Variants in C18orf54 observed in about 807,000 individuals in gnomAD.
C18orf54 encodes the protein lung adenoma susceptibility protein 2.
C18orf54 carries 49 observed loss-of-function variants against 49.3 expected under a neutral mutation model. The observed-to-expected ratio is 0.99, with a 90% CI of 0.79 to 1.26. The LOEUF (loss-of-function observed/expected upper bound fraction) is 1.26, where lower values mean the gene tolerates loss of function less well. Ranked by LOEUF, C18orf54 falls within the 50% of genes most tolerant of loss-of-function variation. The pLI is 0.00. For synonymous variants in C18orf54, 211 were observed against 216.6 expected (o/e 0.97, Z 0.23); for missense variants, 687 against 620.6 (o/e 1.11, Z -1.14).
chr18:54,362,352 A>G lies in C18orf54; in HGVS notation c.993A>G (p.Glu331=), dbSNP rs1330421873. The stretch of plus-strand genomic sequence containing the variant: ...GTGATGATAAAGAATTAGTTAATGA[A>G]TACAAATGTGATTTTGAACATAGCC... ...SLSDDKELVN[E]YKCDFEHSQC... is the part of the protein sequence containing the mutation. Residue 331 remains glutamate (E), a synonymous_variant, in exon 4 of 9, where the codon GAA becomes GAG. Coordinates refer to ENST00000620105, the MANE Select transcript of C18orf54 (RefSeq NM_001288980.2). 2.6e-6 allele frequency: 4 copies of G among 1,535,892 alleles called. No homozygotes were observed. Among genetic ancestry groups the G allele is most frequent in the Non-Finnish European group, 3.5e-6 (4 of 1,146,738 alleles).
intron 5 of C18orf54, among the ~76,000 whole-genome samples, chr18:54,363,645 T>C (rs2089318522): frequency 6.6e-6 from 1 of 152,184 alleles, no homozygotes; most frequent in Admixed American, 6.5e-5. Flanking sequence ...TCATTTACTT[T>C]TTACTTTCCC....
rs988102026 is a variant in C18orf54, at chr18:54,358,022, T to G, written c.-197T>G. 2 of 152,624 alleles carry G rather than the reference T, an allele frequency of 1.3e-5. No homozygotes were observed. Among genetic ancestry groups the G allele is most frequent in the African/African-American group, 2.4e-5 (1 of 41,436 alleles). The allele number at this position is 152,624 out of a possible 1,614,324, so 9.5% of individuals were successfully genotyped here. A position where few individuals can be genotyped will look rare whatever the true frequency, so the allele number is the denominator to read the frequency against. On this transcript the variant is annotated 5_prime_UTR_variant, in exon 1 of 9. Transcript: ENST00000620105. The stretch of plus-strand genomic sequence containing the variant: ...CGGTGTCCGGGTTGGGGATGCTTTG[T>G]GGTGTCTCGCGTTGGGTAACAGGCC...
At position 54,378,183 on chromosome 18, in the gene C18orf54, C is replaced by G. The variant is rs558955707; in HGVS notation, c.1539C>G (p.His513Gln). Residue 513 changes from histidine (H) to glutamine (Q), a missense_variant, in exon 9 of 9, where the codon CAC (histidine) becomes CAG (glutamine). By Grantham distance (24) the His-to-Gln change is conservative. Coordinates refer to ENST00000620105, the MANE Select transcript of C18orf54 (RefSeq NM_001288980.2). ...ATACTTTTTAATGAAGGGCTTTGCACCATTTATCTCGCCTGAGAGACCTGG... is the reference window on the plus strand; with the variant it reads ...ATACTTTTTAATGAAGGGCTTTGCAGCATTTATCTCGCCTGAGAGACCTGG... Reference protein sequence around the residue: ...PITRSLQKALHHLSRLRDLVD... With the variant: ...PITRSLQKALQHLSRLRDLVD... The G allele has an allele frequency of 4.8e-5, 78 of 1,612,968 alleles. No homozygotes were observed. In the South Asian group the frequency reaches 7.3e-4, roughly 15 times the overall value.
intron 6 of C18orf54, among the ~76,000 whole-genome samples, chr18:54,367,338 A>G (rs947315962): frequency 2.0e-5 from 3 of 151,580 alleles, no homozygotes; most frequent in Admixed American, 2.0e-4. Flanking sequence ...TTATATTTCC[A>G]TGTGTTTTCA....
Position 54,362,095 on chromosome 18 carries a change from T to C in C18orf54, c.736T>C (p.Ser246Pro). The part of the protein sequence containing the change: ...NYPRWLTSQK[S>P]DLNVSGITSI... ...CCCAAGATGGCTCACTAGCCAGAAA[T>C]CTGACCTTAATGTTTCAGGGATAAC... Residue 246 changes from serine to proline, a missense_variant, in exon 4 of 9, where the codon TCT becomes CCT. Ser to Pro is a moderately conservative substitution (Grantham distance 74). Coordinates refer to ENST00000620105, the MANE Select transcript of C18orf54 (RefSeq NM_001288980.2). The C allele has an allele frequency of 3.2e-6, 5 of 1,540,000 alleles. No individual in the cohort carries two copies. The highest frequency in any genetic ancestry group is 4.4e-6 in the Non-Finnish European group (5 of 1,147,296).
At chr18:54,375,270 A>G (rs1237948265) in intron 8 of C18orf54, among the ~76,000 whole-genome samples, 1 of 151,854 alleles carries the variant, frequency 6.6e-6, no homozygotes, top group Non-Finnish European at 1.5e-5. Flanking sequence ...TTATGAAGTA[A>G]GTACTATTAT....
rs1455669951 is a variant in C18orf54, at chr18:54,360,699, A to G, written c.127A>G (p.Lys43Glu). 6.2e-7 allele frequency: 1 copy of G among 1,613,994 alleles called. No homozygotes were observed. Among genetic ancestry groups the G allele is most frequent in the African/African-American group, 1.3e-5 (1 of 74,918 alleles). Residue 43 changes from lysine to glutamate, a missense_variant, in exon 3 of 9, where the codon AAG (lysine) becomes GAG (glutamate). By Grantham distance (56) the Lys-to-Glu change is moderately conservative. Transcript: ENST00000620105. ...NSDGSFHYKD[K>E]LYRSASQALQ... The stretch of plus-strand genomic sequence containing the variant: ...TGATGGCTCGTTTCACTATAAAGAT[A>G]AGCTGTACAGATCTGCTTCTCAAGC...
Position 54,374,267 on chromosome 18 carries a change from T to G in C18orf54, c.1512T>G (p.Ile504Met). 6.3e-7 allele frequency: 1 copy of G among 1,584,168 alleles called. No homozygotes were observed. Among genetic ancestry groups the G allele is most frequent in the Non-Finnish European group, 8.6e-7 (1 of 1,164,632 alleles). Residue 504 changes from isoleucine to methionine, a missense_variant, in exon 8 of 9, where the codon ATT becomes ATG. Ile to Met is a conservative substitution (Grantham distance 10, BLOSUM62 1). Coordinates refer to ENST00000620105, the MANE Select transcript of C18orf54 (RefSeq NM_001288980.2). ...KLQLKESMIPITRSLQKALHH... is the reference protein window; with the variant it reads ...KLQLKESMIPMTRSLQKALHH... ...AGTTGAAGGAAAGTATGATTCCTAT[T>G]ACTAGGTCACTTCAGAAGTAAGTAT...
Position 54,362,237 on chromosome 18 carries a change from G to A in C18orf54, c.878G>A (p.Ser293Asn). 1 of 1,536,426 alleles carries A rather than the reference G, an allele frequency of 6.5e-7. No individual in the cohort carries two copies. Among genetic ancestry groups the A allele is most frequent in the Non-Finnish European group, 8.7e-7 (1 of 1,146,934 alleles). The change falls in exon 4 of 9, where the codon AGT becomes AAT. Residue 293 changes from serine (S) to asparagine (N), a missense_variant. Physicochemically the swap from Ser to Asn is conservative, Grantham distance 46. Transcript: ENST00000620105. ...FKDDQCSPRHSHQAQGTSRLI... is the reference protein window; with the variant it reads ...FKDDQCSPRHNHQAQGTSRLI... ...GATGATCAGTGTTCCCCTAGACATA[G>A]TCATCAGGCACAAGGAACTTCTCGG...
chr18:54,362,477 T>A (rs1441486642), intron 4 of C18orf54, 46 bp downstream of exon 4: 5 of 1,401,278 alleles, frequency 3.6e-6, no homozygotes, highest in African/African-American at 2.9e-5. Flanking sequence ...TTCTTTTTTT[T>A]AAACCAAAAG....
Position 54,379,217 on chromosome 18 carries a change from CTTA to C in C18orf54, c.*973_*975del, listed in dbSNP as rs1258563605. The C allele has an allele frequency of 2.6e-5, 4 of 152,004 alleles. No individual in the cohort carries two copies. Among genetic ancestry groups the C allele is most frequent in the Non-Finnish European group, 4.4e-5 (3 of 67,910 alleles). 9.4% of individuals were successfully genotyped at this position (152,004 alleles called of 1,614,324 possible). On this transcript the variant is annotated 3_prime_UTR_variant, in exon 9 of 9. Coordinates refer to ENST00000620105, the MANE Select transcript of C18orf54 (RefSeq NM_001288980.2). Reference sequence around the variant, plus strand: ...TACCAAGCACTTATTATTAATACTTCTTATAAGTAGTAAGCATCTTTACTAACA... The same window carrying C: ...TACCAAGCACTTATTATTAATACTTCTAAGTAGTAAGCATCTTTACTAACA...
chr18:54,370,563 A>G (rs1243655164), intron 6 of C18orf54, among the ~76,000 whole-genome samples: 3 of 152,158 alleles, frequency 2.0e-5, no homozygotes, highest in Admixed American at 1.3e-4. Context: ...GAATATATGA[A>G]ATGTCACTAT....
At chr18:54,374,915 C>T (rs1040813199) in intron 8 of C18orf54, among the ~76,000 whole-genome samples, 2 of 151,890 alleles carry the variant, frequency 1.3e-5, no homozygotes, top group Admixed American at 1.3e-4. Context: ...TTTCACTTGG[C>T]TACCTTTTGT....
At chr18:54,359,377 A>G (rs933833267) in intron 2 of C18orf54, among the ~76,000 whole-genome samples, 2 of 152,228 alleles carry the variant, frequency 1.3e-5, no homozygotes, top group Non-Finnish European at 2.9e-5. Context: ...AGATAAATCA[A>G]TGAGACGAAA....
chr18:54,370,496 G>A (rs1441436633), intron 6 of C18orf54, among the ~76,000 whole-genome samples: 3 of 152,014 alleles, frequency 2.0e-5, no homozygotes, highest in South Asian at 2.1e-4. Context: ...AGAAAACAGC[G>A]ATGACTATAT....
chr18:54,364,927 TA>T (rs2089351294), intron 5 of C18orf54, among the ~76,000 whole-genome samples: 1 of 152,042 alleles, frequency 6.6e-6, no homozygotes, highest in Non-Finnish European at 1.5e-5. Flanking sequence ...ACATACCTCA[TA>T]GTGTTGTAAG....
chr18:54,376,919 G>C (rs140892807), intron 8 of C18orf54, among the ~76,000 whole-genome samples: 9 of 152,096 alleles, frequency 5.9e-5, no homozygotes, highest in Non-Finnish European at 8.8e-5. Flanking sequence ...AACAACTACT[G>C]TGTGTTAGAG....
chr18:54,380,823 C>A lies in C18orf54; in HGVS notation c.*2577C>A, dbSNP rs187123434. On this transcript the variant is annotated 3_prime_UTR_variant, in exon 9 of 9. Transcript: ENST00000620105. ...GTGTTACAGACGCATGGAATTGCTCCTGTAGATTTGAATTTTTGTTTCATT... is the reference window on the plus strand; with the variant it reads ...GTGTTACAGACGCATGGAATTGCTCATGTAGATTTGAATTTTTGTTTCATT... The A allele has an allele frequency of 2.0e-4, 31 of 152,164 alleles. No homozygotes were observed. The East Asian group carries it at 6.0e-3, about 29-fold the overall frequency. 9.4% of individuals were successfully genotyped at this position (152,164 alleles called of 1,614,324 possible). A position where few individuals can be genotyped will look rare whatever the true frequency, so the allele number is the denominator to read the frequency against.
At chr18:54,372,076 C>G (rs1568189244) in intron 6 of C18orf54, among the ~76,000 whole-genome samples, 1 of 152,040 alleles carries the variant, frequency 6.6e-6, no homozygotes, top group Non-Finnish European at 1.5e-5. Context: ...GCAGAGAATA[C>G]TGTATTTGAA....
Sources: allele counts gnomAD v4.1 joint callset (sites outside exome capture counted in the v4.1 genomes callset), GRCh38; gene constraint gnomAD v4.1.1; transcripts MANE v1.5; gene names NCBI Gene and HGNC (gene_info 2026-07-23, HGNC 2026-07-21).